The following ADAMTS19 variants were observed in gnomAD, a reference collection of about 807,000 sequenced individuals.
ADAMTS19 encodes the protein ADAM metallopeptidase with thrombospondin type 1 motif 19, also known as A disintegrin and metalloproteinase with thrombospondin motifs 19.
A neutral mutation model predicts 153.3 loss-of-function variants in ADAMTS19; 93 were observed. The ratio of observed to expected loss-of-function variants is 0.61; its 90% confidence interval spans 0.51 to 0.72. ADAMTS19 has a LOEUF of 0.72. Ranked by LOEUF, ADAMTS19 falls within the 30% of genes least tolerant of loss-of-function variation. The pLI is 0.00. For synonymous variants in ADAMTS19, 600 were observed against 556.6 expected (o/e 1.08, Z -1.10); for missense variants, 1,482 against 1,552.1 (o/e 0.95, Z 0.76).
rs953197875 is a variant in ADAMTS19 at position 129,627,653 on chromosome 5, C to G, written c.1770+5305C>G. 5.3e-5 allele frequency among the ~76,000 whole-genome samples: 8 copies of G among 152,152 alleles called. No homozygotes were observed. In the East Asian group the frequency reaches 1.5e-3, roughly 29 times the overall value. ...AGTGGGCAAAGAACAAGAACCGACA[C>G]TTTCCAAAAGACATGCAGCCAACAA... On this transcript the variant is annotated intron_variant, in intron 10 of 22. Coordinates refer to ENST00000274487, the MANE Select transcript of ADAMTS19 (RefSeq NM_133638.6).
chr5:129,529,211 A>G (rs1032190879), intron 6 of ADAMTS19, among the ~76,000 whole-genome samples: 1 of 152,134 alleles, frequency 6.6e-6, no homozygotes, highest in Non-Finnish European at 1.5e-5. Flanking sequence ...GAGCAACAAT[A>G]TGCTCTATAT....
At chr5:129,658,776 C>A (rs777631633) in intron 15 of ADAMTS19, 39 bp downstream of exon 15, 2 of 1,564,166 alleles carry the variant, frequency 1.3e-6, no homozygotes, top group South Asian at 1.2e-5. Flanking sequence ...TTAATCCCTG[C>A]AATCTTTGGG....
chr5:129,492,197 CCA>C lies in ADAMTS19; in HGVS notation c.748-16874_748-16873del, dbSNP rs138889962. Reference sequence around the variant, plus strand: ...AGCAAGAAGAGATATGGGGGAGGTGCCACACACTTTTAAATGTGCGGCAGATC... The same window carrying C: ...AGCAAGAAGAGATATGGGGGAGGTGCCACACTTTTAAATGTGCGGCAGATC... On this transcript the variant is annotated intron_variant, in intron 2 of 22. Transcript: ENST00000274487. 6.5e-4 allele frequency among the ~76,000 whole-genome samples: 99 copies of C among 152,218 alleles called. 1 individual carries two copies. The East Asian group carries it at 0.014, about 22-fold the overall frequency.
chr5:129,665,613 G>A, intron 16 of ADAMTS19, 34 bp downstream of exon 16: 1 of 1,536,746 alleles, frequency 6.5e-7, no homozygotes. Flanking sequence ...GAAGATCCAA[G>A]TACGAGCCCA....
At chr5:129,503,840 AC>A in intron 2 of ADAMTS19, among the ~76,000 whole-genome samples, 1 of 152,142 alleles carries the variant, frequency 6.6e-6, no homozygotes, top group Non-Finnish European at 1.5e-5. Context: ...AAAAAAAAGA[AC>A]CTTACATAGA....
intron 16 of ADAMTS19, among the ~76,000 whole-genome samples, chr5:129,667,122 G>A (rs532405622): frequency 6.6e-6 from 1 of 152,166 alleles, no homozygotes; most frequent in African/African-American, 2.4e-5. Flanking sequence ...CAAATCCAAT[G>A]TTACTTGACC....
At chr5:129,708,998 GT>G (rs1245741760) in intron 21 of ADAMTS19, among the ~76,000 whole-genome samples, 2 of 152,058 alleles carry the variant, frequency 1.3e-5, no homozygotes, top group African/African-American at 4.8e-5. Context: ...TTGTTTAGAA[GT>G]GATAGATACA....
At chr5:129,698,696 C>T (rs1461448515) in intron 19 of ADAMTS19, among the ~76,000 whole-genome samples, 1 of 152,116 alleles carries the variant, frequency 6.6e-6, no homozygotes, top group Non-Finnish European at 1.5e-5. Context: ...ATTGCAAATA[C>T]TTCTCTTTTC....
intron 2 of ADAMTS19, among the ~76,000 whole-genome samples, chr5:129,504,305 T>C (rs1006937083): frequency 6.6e-6 from 1 of 152,166 alleles, no homozygotes; most frequent in Non-Finnish European, 1.5e-5. Flanking sequence ...CTATCACCTT[T>C]CACATGTCCA....
At chr5:129,468,216 G>A (rs775078182) in intron 2 of ADAMTS19, among the ~76,000 whole-genome samples, 1 of 152,158 alleles carries the variant, frequency 6.6e-6, no homozygotes, top group Admixed American at 6.5e-5. Flanking sequence ...TTGCTTAATT[G>A]TACCCCATAG....
At chr5:129,481,110 GAGAC>G (rs1750392458) in intron 2 of ADAMTS19, among the ~76,000 whole-genome samples, 1 of 152,134 alleles carries the variant, frequency 6.6e-6, no homozygotes, top group African/African-American at 2.4e-5. Flanking sequence ...GATACTACCT[GAGAC>G]TAGTTAATTT....
chr5:129,708,951 T>A (rs115254564), intron 21 of ADAMTS19, among the ~76,000 whole-genome samples: 5,818 of 152,162 alleles, frequency 0.038, 358 homozygotes, highest in African/African-American at 0.13. Context: ...TCATTTTGGA[T>A]GATTTAGTTA....
At chr5:129,589,898 A>T (rs1750014664) in intron 7 of ADAMTS19, among the ~76,000 whole-genome samples, 1 of 152,088 alleles carries the variant, frequency 6.6e-6, no homozygotes, top group African/African-American at 2.4e-5. Context: ...AAAGATCTCC[A>T]CATAATAGGA....
At chr5:129,626,837 T>G (rs1242851560) in intron 10 of ADAMTS19, among the ~76,000 whole-genome samples, 1 of 152,094 alleles carries the variant, frequency 6.6e-6, no homozygotes, top group Non-Finnish European at 1.5e-5. Context: ...TTGATGATAA[T>G]TGTTTAGAAG....
chr5:129,694,362 G>A (rs75972689), intron 18 of ADAMTS19, among the ~76,000 whole-genome samples: 6,747 of 152,108 alleles, frequency 0.044, 457 homozygotes, highest in African/African-American at 0.15. Flanking sequence ...AAAAGTTGAT[G>A]GAAGAAATAA....
intron 8 of ADAMTS19, among the ~76,000 whole-genome samples, chr5:129,613,822 A>G (rs189214557): frequency 6.6e-6 from 1 of 152,264 alleles, no homozygotes; most frequent in Non-Finnish European, 1.5e-5. Context: ...GAGAAGAATC[A>G]AATAGACCCA....
intron 8 of ADAMTS19, among the ~76,000 whole-genome samples, chr5:129,603,947 C>G (rs1443080922): frequency 6.6e-6 from 1 of 152,124 alleles, no homozygotes; most frequent in Non-Finnish European, 1.5e-5. Flanking sequence ...TGGGCTGGCT[C>G]GGGATTATCT....
intron 13 of ADAMTS19, among the ~76,000 whole-genome samples, chr5:129,650,756 C>T (rs1753282010): frequency 1.3e-5 from 2 of 152,086 alleles, no homozygotes; most frequent in African/African-American, 4.8e-5. Flanking sequence ...TTAAGACTCT[C>T]CCACTAAAAC....
chr5:129,637,671 C>A (rs1470458201), intron 10 of ADAMTS19, among the ~76,000 whole-genome samples: 2 of 152,140 alleles, frequency 1.3e-5, no homozygotes, highest in African/African-American at 4.8e-5. Context: ...TTGGCAAAAC[C>A]CTGTCTCTAC....
Sources: gnomAD v4.1 joint callset for allele counts (sites outside exome capture counted in the v4.1 genomes callset) on GRCh38, gnomAD v4.1.1 for gene constraint, MANE v1.5 for transcripts, NCBI Gene and HGNC (gene_info 2026-07-23, HGNC 2026-07-21) for gene names.